Variants in MAPK4 observed in about 807,000 individuals in gnomAD.
MAPK4 encodes mitogen-activated protein kinase 4, also known as Erk3-related.
Under a neutral mutation model 47.7 loss-of-function variants are expected in MAPK4, and 22 were observed. The ratio of observed to expected loss-of-function variants is 0.46; its 90% CI spans 0.33 to 0.66. The LOEUF is 0.66. MAPK4 is among the 30% of genes least tolerant of loss of function. The pLI is 0.02. For synonymous variants in MAPK4, 390 were observed against 365.7 expected, an observed-to-expected ratio of 1.07 and a Z score of -0.76; for missense variants, 736 against 831.7, an observed-to-expected ratio of 0.88 and a Z score of 1.42.
At chr18:50,566,784 T>G (rs1401203766) in intron 1 of MAPK4, among the ~76,000 whole-genome samples, 1 of 152,160 alleles carries the variant, frequency 6.6e-6, no homozygotes, top group African/African-American at 2.4e-5. Context: ...ATAAAAACAT[T>G]TATTTGTCTA....
chr18:50,648,044 A>C (rs1405965559), intron 1 of MAPK4, among the ~76,000 whole-genome samples: 1 of 152,124 alleles, frequency 6.6e-6, no homozygotes, highest in Non-Finnish European at 1.5e-5. Context: ...ATAAGGGTAA[A>C]TCTAGACACC....
intron 1 of MAPK4, among the ~76,000 whole-genome samples, chr18:50,607,870 A>G (rs1279136901): frequency 6.6e-6 from 1 of 152,186 alleles, no homozygotes; most frequent in Non-Finnish European, 1.5e-5. Flanking sequence ...CAATTTACCA[A>G]TCTTGTATTG....
chr18:50,662,354 C>A (rs1158629305), intron 1 of MAPK4, among the ~76,000 whole-genome samples: 1 of 152,186 alleles, frequency 6.6e-6, no homozygotes, highest in Non-Finnish European at 1.5e-5. Context: ...AGTCAACAGC[C>A]ACCAGAGGGC....
rs377380851 is a variant in MAPK4, at chr18:50,572,705, C to T, written c.-871+12462C>T. ...TCTCCAGAATCAAAAATCTATCCAC[C>T]ATTTACCTGCTGAATTTTCTCCCTT... is the stretch of plus-strand genomic sequence containing the variant. On this transcript the variant is annotated intron_variant, in intron 1 of 5. Coordinates refer to ENST00000400384, the MANE Select transcript of MAPK4 (RefSeq NM_002747.4). Among the ~76,000 whole-genome samples, 13 of 152,232 alleles carry T rather than the reference C, an allele frequency of 8.5e-5. No homozygotes were observed. In the East Asian group the frequency reaches 2.3e-3, roughly 27 times the overall value.
chr18:50,715,371 TTATTA>T (rs1910586738), intron 3 of MAPK4, 148 bp downstream of exon 3: 1 of 997,168 alleles, frequency 1.0e-6, no homozygotes, highest in Non-Finnish European at 1.4e-6. Context: ...TGGAGGCACC[TTATTA>T]TATTGTCAGG....
intron 1 of MAPK4, among the ~76,000 whole-genome samples, chr18:50,639,951 C>T (rs753406273): frequency 6.6e-6 from 1 of 152,310 alleles, no homozygotes; most frequent in South Asian, 2.1e-4. Flanking sequence ...TCTGAACTAG[C>T]GTCTGATATT....
intron 1 of MAPK4, among the ~76,000 whole-genome samples, chr18:50,612,562 G>A (rs1464647282): frequency 1.3e-5 from 2 of 152,168 alleles, no homozygotes; most frequent in Non-Finnish European, 2.9e-5. Context: ...TGTGACTGGA[G>A]GGCTCATCAT....
chr18:50,662,593 C>T (rs1907333256), intron 1 of MAPK4, among the ~76,000 whole-genome samples: 1 of 152,198 alleles, frequency 6.6e-6, no homozygotes, highest in Non-Finnish European at 1.5e-5. Flanking sequence ...GTCATTACAT[C>T]TTAGTCCCTG....
At position 50,654,919 on chromosome 18, in the gene MAPK4, G is replaced by C. The variant is rs185254227; in HGVS notation, c.-870-8170G>C. The stretch of plus-strand genomic sequence containing the variant: ...CTGGCTGGTTACGTAATTTTCAAAA[G>C]GAAAACAGAGCAAAGCCTGAACGCT... On this transcript the variant is annotated intron_variant, in intron 1 of 5. Transcript: ENST00000400384. Among the ~76,000 whole-genome samples, 19 of 152,338 alleles carry C rather than the reference G, an allele frequency of 1.2e-4. 1 individual carries two copies. The highest frequency in any genetic ancestry group is 1.2e-3 in the Admixed American group (19 of 15,306).
In MAPK4 at chr18:50,590,193, A is replaced by G. The variant is rs146384774; in HGVS notation, c.-871+29950A>G. Among the ~76,000 whole-genome samples, 15 of 152,342 alleles carry G rather than the reference A, an allele frequency of 9.8e-5. No homozygotes were observed. In the East Asian group the frequency reaches 2.9e-3, roughly 29 times the overall value. On this transcript the variant is annotated intron_variant, in intron 1 of 5. Transcript: ENST00000400384. ...TGACTAGCTGTGATGAGGAAGGAGC[A>G]GTTCTTGGGAATAAAGCCTCTGTCA...
chr18:50,668,148 A>G (rs1008428351), intron 2 of MAPK4, among the ~76,000 whole-genome samples: 1 of 152,244 alleles, frequency 6.6e-6, no homozygotes, highest in Non-Finnish European at 1.5e-5. Context: ...TTTCAAGGAT[A>G]CAAATAAACA....
At chr18:50,723,152 G>T (rs1299760217) in intron 4 of MAPK4, among the ~76,000 whole-genome samples, 2 of 152,188 alleles carry the variant, frequency 1.3e-5, no homozygotes, top group Non-Finnish European at 2.9e-5. Context: ...TGGGAGCATG[G>T]ATGGGCAGGG....
At chr18:50,710,567 G>A (rs1910298119) in intron 2 of MAPK4, among the ~76,000 whole-genome samples, 1 of 152,032 alleles carries the variant, frequency 6.6e-6, no homozygotes, top group African/African-American at 2.4e-5. Context: ...CATGAGGTCA[G>A]GAGATCGAGA....
At chr18:50,608,514 T>C (rs2042602524) in intron 1 of MAPK4, among the ~76,000 whole-genome samples, 1 of 152,146 alleles carries the variant, frequency 6.6e-6, no homozygotes. Flanking sequence ...CAAGGTGTTA[T>C]CTTTGTTCTA....
chr18:50,706,681 G>C (rs1281709590), intron 2 of MAPK4, among the ~76,000 whole-genome samples: 10 of 152,158 alleles, frequency 6.6e-5, no homozygotes. Context: ...AAAGATTGCT[G>C]TCCATTGTCA....
intron 1 of MAPK4, among the ~76,000 whole-genome samples, chr18:50,613,889 C>T (rs531663488): frequency 1.8e-4 from 27 of 152,200 alleles, no homozygotes; most frequent in African/African-American, 5.1e-4. Flanking sequence ...CCTAAATCAG[C>T]CCCTTTTCTA....
In MAPK4 at chr18:50,664,097, G is replaced by A. The variant is rs367684848; in HGVS notation, c.139G>A (p.Ala47Thr). The A allele has an allele frequency of 1.5e-5, 25 of 1,613,896 alleles. No homozygotes were observed. The highest frequency in any genetic ancestry group is 1.6e-4 in the Middle Eastern group (1 of 6,084). ...GGACAGCCGGGCCTGCCGGAAGGTC[G>A]CTGTGAAGAAGATTGCCCTGAGCGA... is the stretch of plus-strand genomic sequence containing the variant. ...AVDSRACRKV[A>T]VKKIALSDAR... The change falls in exon 2 of 6, where the codon GCT becomes ACT. Residue 47 changes from alanine (A) to threonine (T), a missense_variant. Coordinates refer to ENST00000400384, the MANE Select transcript of MAPK4 (RefSeq NM_002747.4). This position sits in a 1 kb window ranked among gnomAD's most constrained non-coding sequence, Gnocchi z 6.0.
rs1598876888 is a variant in MAPK4, at chr18:50,657,954, G to A, written c.-870-5135G>A. 4.6e-5 allele frequency among the ~76,000 whole-genome samples: 7 copies of A among 152,182 alleles called. No homozygotes were observed. The South Asian group carries it at 1.5e-3, about 32-fold the overall frequency. ...TCCTGGGTAGGTGGCCACAGTCAGT[G>A]TCAGCTACAGGCCGTGCTAGTCAGG... is the stretch of plus-strand genomic sequence containing the variant. On this transcript the variant is annotated intron_variant, in intron 1 of 5. Transcript: ENST00000400384.
chr18:50,599,744 A>T (rs991128911), intron 1 of MAPK4, among the ~76,000 whole-genome samples: 5 of 152,188 alleles, frequency 3.3e-5, no homozygotes, highest in Non-Finnish European at 5.9e-5. Flanking sequence ...TAATAGACAC[A>T]TAATAATTAG....
Sources: gnomAD v4.1 joint callset for allele counts (sites outside exome capture counted in the v4.1 genomes callset) on GRCh38, gnomAD v4.1.1 for gene constraint, Gnocchi (gnomAD v3.1) non-coding constraint, MANE v1.5 for transcripts, NCBI Gene and HGNC (gene_info 2026-07-23, HGNC 2026-07-21) for gene names.